The following RBFOX1 variants were observed in gnomAD, a reference collection of about 807,000 sequenced individuals.
RBFOX1 encodes RNA binding fox-1 homolog 1.
RBFOX1 carries 8 observed loss-of-function variants against 57.7 expected under a neutral mutation model. The ratio of observed to expected loss-of-function variants is 0.14; its 90% confidence interval spans 0.08 to 0.25. RBFOX1 has a LOEUF of 0.25. Ranked by LOEUF, RBFOX1 falls within the 10% of genes least tolerant of loss-of-function variation. RBFOX1 has a pLI of 1.00. For synonymous variants in RBFOX1, 326 were observed against 222.4 expected (o/e 1.47, Z -4.15); for missense variants, 611 against 548.5 (o/e 1.11, Z -1.14).
intron 1 of RBFOX1, among the ~76,000 whole-genome samples, chr16:5,367,114 T>G (rs537313008): frequency 3.7e-4 from 57 of 152,016 alleles, no homozygotes; most frequent in African/African-American, 1.3e-3. Context: ...TAATTTTTAT[T>G]TGAAAACAAC....
chr16:7,114,758 C>T (rs910400068), intron 4 of RBFOX1, among the ~76,000 whole-genome samples: 1 of 152,176 alleles, frequency 6.6e-6, no homozygotes, highest in Non-Finnish European at 1.5e-5. Context: ...ACTTTGCTTT[C>T]TGTTTACATG....
chr16:7,033,174 G>A (rs1327753296), intron 3 of RBFOX1, among the ~76,000 whole-genome samples: 1 of 152,156 alleles, frequency 6.6e-6, no homozygotes, highest in African/African-American at 2.4e-5. Flanking sequence ...CGGTAAAGGT[G>A]TTGATTTTAG....
intron 3 of RBFOX1, among the ~76,000 whole-genome samples, chr16:6,810,808 C>G (rs957448092): frequency 2.6e-5 from 4 of 152,106 alleles, no homozygotes; most frequent in African/African-American, 9.7e-5. Context: ...AGAAGTCACT[C>G]ACTATCAGGA....
In RBFOX1 at chr16:6,063,566, C is replaced by T. The variant is rs141659931; in HGVS notation, c.-127+43574C>T. On this transcript the variant is annotated intron_variant, in intron 1 of 15. Transcript: ENST00000550418. ...GATCATATTGTTCTGTTAACACCCA[C>T]CACCAAAACTACATCCTGGGTCCTC... Among the ~76,000 whole-genome samples, 15 of 152,020 alleles carry T rather than the reference C, an allele frequency of 9.9e-5. No homozygotes were observed. In the East Asian group the frequency reaches 2.3e-3, roughly 24 times the overall value.
intron 3 of RBFOX1, among the ~76,000 whole-genome samples, chr16:6,838,741 T>G (rs1265076533): frequency 6.6e-6 from 1 of 152,178 alleles, no homozygotes; most frequent in African/African-American, 2.4e-5. Context: ...ATACATTTGC[T>G]TAGCATCCTC....
At chr16:5,373,557 C>T (rs973570462) in intron 1 of RBFOX1, among the ~76,000 whole-genome samples, 16 of 152,188 alleles carry the variant, frequency 1.1e-4, no homozygotes, top group Non-Finnish European at 1.9e-4. Flanking sequence ...CCTCCTCAGC[C>T]GTACTTCCTG....
chr16:6,298,394 C>T (rs2078391160), intron 1 of RBFOX1, among the ~76,000 whole-genome samples: 1 of 152,302 alleles, frequency 6.6e-6, no homozygotes, highest in Non-Finnish European at 1.5e-5. Context: ...AAGTATATCC[C>T]ATTGTTATGC....
chr16:6,348,256 A>G (rs1189436777), intron 2 of RBFOX1, among the ~76,000 whole-genome samples: 3 of 152,200 alleles, frequency 2.0e-5, no homozygotes, highest in Non-Finnish European at 4.4e-5. Context: ...GGAGCTGTGT[A>G]AACTCAGGCA....
chr16:5,557,615 G>T (rs1009921897), intron 2 of RBFOX1, among the ~76,000 whole-genome samples: 3 of 152,164 alleles, frequency 2.0e-5, no homozygotes, highest in Non-Finnish European at 2.9e-5. Context: ...GTGGGAGAAA[G>T]AGCTGGGAAA....
chr16:5,373,615 T>G (rs904416565), intron 1 of RBFOX1, among the ~76,000 whole-genome samples: 2 of 152,180 alleles, frequency 1.3e-5, no homozygotes, highest in Middle Eastern at 3.4e-3. Context: ...TCTTTTTTTT[T>G]TTGTTTTCAG....
intron 2 of RBFOX1, among the ~76,000 whole-genome samples, chr16:6,605,697 G>A (rs1229439710): frequency 6.6e-6 from 1 of 152,156 alleles, no homozygotes; most frequent in Non-Finnish European, 1.5e-5. Context: ...CTCTGGGCAG[G>A]GCCTAGATGC....
chr16:7,194,269 G>A (rs934930861), intron 4 of RBFOX1, among the ~76,000 whole-genome samples: 1 of 152,132 alleles, frequency 6.6e-6, no homozygotes, highest in African/African-American at 2.4e-5. Context: ...TGATTGCACT[G>A]TATTTATTTT....
intron 1 of RBFOX1, among the ~76,000 whole-genome samples, chr16:6,113,278 C>T (rs80192526): frequency 0.014 from 2,093 of 152,294 alleles, 54 homozygotes; most frequent in African/African-American, 0.048. Flanking sequence ...TTTTAAGCTT[C>T]TGCTCACATC....
chr16:5,755,454 A>G (rs557594076), intron 3 of RBFOX1, among the ~76,000 whole-genome samples: 27 of 152,308 alleles, frequency 1.8e-4, no homozygotes, highest in South Asian at 8.3e-4. Context: ...TCCTGAATCA[A>G]TTGATGGCAT....
At chr16:6,245,873 T>A (rs1256243060) in intron 1 of RBFOX1, among the ~76,000 whole-genome samples, 1 of 152,216 alleles carries the variant, frequency 6.6e-6, no homozygotes, top group Non-Finnish European at 1.5e-5. Flanking sequence ...CTTGGTTTTG[T>A]TGAGACACAG....
chr16:6,975,440 A>AT (rs71408486), intron 3 of RBFOX1, among the ~76,000 whole-genome samples: 1 of 151,904 alleles, frequency 6.6e-6, no homozygotes, highest in African/African-American at 2.4e-5. Context: ...TAATTTCTGT[A>AT]TTTTTTAGTG....
chr16:7,416,711 C>G (rs988529014), intron 4 of RBFOX1, among the ~76,000 whole-genome samples: 3 of 150,402 alleles, frequency 2.0e-5, no homozygotes, highest in Non-Finnish European at 2.9e-5. Context: ...GAGTAAAAGG[C>G]AAGCGACTTT....
At position 6,714,776 on chromosome 16, in the gene RBFOX1, T is replaced by C. The variant is rs571847965; in HGVS notation, c.-16+60126T>C. Reference sequence around the variant, plus strand: ...ATGGGCAGTACCGTTTTCTAAACAGTGCAATTTGTTAGGAGGAGAAACTGG... The same window carrying C: ...ATGGGCAGTACCGTTTTCTAAACAGCGCAATTTGTTAGGAGGAGAAACTGG... On this transcript the variant is annotated intron_variant, in intron 3 of 15. Coordinates refer to ENST00000550418, the MANE Select transcript of RBFOX1 (RefSeq NM_018723.4). Among the ~76,000 whole-genome samples the C allele has an allele frequency of 3.9e-5, 6 of 152,208 alleles. No individual in the cohort carries two copies. In the East Asian group the frequency reaches 9.7e-4, roughly 25 times the overall value.
intron 3 of RBFOX1, among the ~76,000 whole-genome samples, chr16:6,707,798 A>G (rs1338563727): frequency 6.6e-6 from 1 of 152,100 alleles, no homozygotes; most frequent in Non-Finnish European, 1.5e-5. Context: ...TTAAATTCTT[A>G]TTTATGTGTT....
Sources: gnomAD v4.1 joint callset for allele counts (sites outside exome capture counted in the v4.1 genomes callset) on GRCh38, gnomAD v4.1.1 for gene constraint, MANE v1.5 for transcripts, NCBI Gene and HGNC (gene_info 2026-07-23, HGNC 2026-07-21) for gene names.